Variants in SEMA6D observed in about 807,000 individuals in gnomAD.
SEMA6D encodes semaphorin-6D.
SEMA6D carries 35 observed loss-of-function variants against 106.6 expected under a neutral mutation model. That is an observed-to-expected ratio of 0.33 (90% CI 0.25 to 0.44). The LOEUF is 0.44. SEMA6D is among the 20% of genes least tolerant of loss of function. SEMA6D has a pLI of 1.00. For missense variants in SEMA6D, 1,185 were observed against 1,345.9 expected (o/e 0.88, Z 1.87); for synonymous variants, 499 against 487.7 (o/e 1.02, Z -0.31).
rs181210173 is a variant in SEMA6D at position 47,354,650 on chromosome 15, A to G, written c.-238-57743A>G. 2.0e-5 allele frequency among the ~76,000 whole-genome samples: 3 copies of G among 151,940 alleles called. No individual in the cohort carries two copies. In the East Asian group the frequency reaches 5.8e-4, roughly 29 times the overall value. ...ATATTTCTGAAAGTTTTCCAAAAGTATCTCCCTTCAATGAGGAGGGGTTAG... is the reference window on the plus strand; with the variant it reads ...ATATTTCTGAAAGTTTTCCAAAAGTGTCTCCCTTCAATGAGGAGGGGTTAG... On this transcript the variant is annotated intron_variant, in intron 1 of 19. Transcript: ENST00000558014.
intron 2 of SEMA6D, among the ~76,000 whole-genome samples, chr15:47,422,979 A>G (rs181054109): frequency 6.6e-6 from 1 of 152,074 alleles, no homozygotes; most frequent in African/African-American, 2.4e-5. Context: ...GGTAAGAGTG[A>G]GGAGAAAAAA....
intron 3 of SEMA6D, among the ~76,000 whole-genome samples, chr15:47,570,323 C>T (rs375553957): frequency 2.6e-5 from 4 of 152,154 alleles, no homozygotes; most frequent in South Asian, 2.1e-4. Context: ...GTAGGTGGCC[C>T]GCGGCCATTA....
chr15:47,375,206 A>G (rs2039407729), intron 1 of SEMA6D, among the ~76,000 whole-genome samples: 1 of 152,208 alleles, frequency 6.6e-6, no homozygotes, highest in Admixed American at 6.5e-5. Context: ...TGAAAAGATC[A>G]GTCAAGTTGA....
intron 1 of SEMA6D, among the ~76,000 whole-genome samples, chr15:47,207,898 G>A (rs1311456578): frequency 2.6e-5 from 4 of 151,606 alleles, no homozygotes; most frequent in Non-Finnish European, 4.4e-5. Flanking sequence ...GGGAATTCTG[G>A]TACTTCACCA....
At chr15:47,423,622 T>C (rs1043058231) in intron 2 of SEMA6D, among the ~76,000 whole-genome samples, 5 of 152,230 alleles carry the variant, frequency 3.3e-5, no homozygotes, top group African/African-American at 7.2e-5. Flanking sequence ...ATTTTTTTTT[T>C]CCTCAAGTGA....
At chr15:47,618,729 T>G (rs1223736115) in intron 4 of SEMA6D, among the ~76,000 whole-genome samples, 10 of 152,242 alleles carry the variant, frequency 6.6e-5, no homozygotes, top group Admixed American at 6.5e-4. Context: ...AAGTGTATGG[T>G]GCAGCCAGAG....
At chr15:47,596,062 A>G (rs1489271882) in intron 3 of SEMA6D, among the ~76,000 whole-genome samples, 1 of 152,098 alleles carries the variant, frequency 6.6e-6, no homozygotes, top group East Asian at 1.9e-4. Context: ...TATCAAAAAA[A>G]CCATTAGAAC....
At chr15:47,339,593 G>C (rs1234027429) in intron 1 of SEMA6D, among the ~76,000 whole-genome samples, 1 of 152,170 alleles carries the variant, frequency 6.6e-6, no homozygotes, top group African/African-American at 2.4e-5. Flanking sequence ...ATTGGGCCGG[G>C]TGCAATGGCT....
At chr15:47,367,078 G>A (rs956524818) in intron 1 of SEMA6D, among the ~76,000 whole-genome samples, 2 of 152,082 alleles carry the variant, frequency 1.3e-5, no homozygotes, top group African/African-American at 2.4e-5. Context: ...GCTCTTTAAC[G>A]GAATTAATAA....
chr15:47,222,374 A>G (rs531682659), intron 1 of SEMA6D, among the ~76,000 whole-genome samples: 7 of 152,106 alleles, frequency 4.6e-5, no homozygotes, highest in Non-Finnish European at 1.0e-4. Flanking sequence ...TTTTTCTCCC[A>G]ACCTGTTTTC....
intron 4 of SEMA6D, among the ~76,000 whole-genome samples, chr15:47,679,343 A>G (rs935029726): frequency 6.6e-6 from 1 of 152,362 alleles, no homozygotes; most frequent in East Asian, 1.9e-4. Context: ...GGATTGGACT[A>G]AGTAGTGATA....
intron 4 of SEMA6D, among the ~76,000 whole-genome samples, chr15:47,649,849 G>A (rs1273173670): frequency 1.3e-5 from 2 of 152,140 alleles, no homozygotes; most frequent in African/African-American, 4.8e-5. Flanking sequence ...AAAAGTGAGG[G>A]CTAATAGTGT....
At chr15:47,379,246 A>T (rs184825327) in intron 1 of SEMA6D, among the ~76,000 whole-genome samples, 4 of 152,330 alleles carry the variant, frequency 2.6e-5, no homozygotes, top group Non-Finnish European at 5.9e-5. Context: ...GGAGCTGCTT[A>T]TGCCTTCCTC....
At chr15:47,394,345 C>T (rs977835874) in intron 1 of SEMA6D, among the ~76,000 whole-genome samples, 7 of 152,190 alleles carry the variant, frequency 4.6e-5, no homozygotes, top group African/African-American at 1.7e-4. Flanking sequence ...TGGGGACATT[C>T]AAACACTTGA....
At chr15:47,189,147 C>G (rs1322540168) in intron 1 of SEMA6D, among the ~76,000 whole-genome samples, 2 of 152,124 alleles carry the variant, frequency 1.3e-5, no homozygotes, top group Non-Finnish European at 2.9e-5. Context: ...CCATACACTT[C>G]TCTTTCCCTT....
chr15:47,644,904 T>C (rs1244082845), intron 4 of SEMA6D, among the ~76,000 whole-genome samples: 3 of 152,150 alleles, frequency 2.0e-5, no homozygotes, highest in Admixed American at 6.6e-5. Context: ...ATTTAGTCTC[T>C]GAGGACTAAG....
At chr15:47,575,040 A>C (rs138011233) in intron 3 of SEMA6D, among the ~76,000 whole-genome samples, 383 of 152,330 alleles carry the variant, frequency 2.5e-3, no homozygotes, top group African/African-American at 8.8e-3. Flanking sequence ...AGGACTTTCA[A>C]ATGGTGTTTG....
intron 18 of SEMA6D, among the ~76,000 whole-genome samples, chr15:47,770,125 A>C (rs983701683): frequency 1.3e-4 from 20 of 152,214 alleles, no homozygotes; most frequent in African/African-American, 4.6e-4. Context: ...AATTAAGAGA[A>C]AATTATGAGA....
chr15:47,658,362 C>T (rs540416609), intron 4 of SEMA6D, among the ~76,000 whole-genome samples: 3 of 151,982 alleles, frequency 2.0e-5, no homozygotes, highest in South Asian at 2.1e-4. Context: ...AACTCTTACA[C>T]GCCATCAAGT....
Sources: gnomAD v4.1 joint callset for allele counts (sites outside exome capture counted in the v4.1 genomes callset) on GRCh38, gnomAD v4.1.1 for gene constraint, MANE v1.5 for transcripts, NCBI Gene and HGNC (gene_info 2026-07-23, HGNC 2026-07-21) for gene names.